The following NNMT variants were observed in gnomAD, a reference collection of about 807,000 sequenced individuals.
NNMT encodes nicotinamide N-methyltransferase.
In NNMT, 10 loss-of-function variants were observed where a neutral mutation model predicts 11.7. The observed-to-expected ratio is 0.85, with a 90% CI of 0.53 to 1.45. The LOEUF is 1.45. Ranked by LOEUF, NNMT falls within the 40% of genes most tolerant of loss-of-function variation. The pLI is 0.00. For synonymous variants in NNMT, 143 were observed against 133.8 expected (o/e 1.07, Z -0.48); for missense variants, 381 against 319.4 (o/e 1.19, Z -1.47).
intron 2 of NNMT, among the ~76,000 whole-genome samples, chr11:114,271,693 G>A (rs1490448588): frequency 6.6e-6 from 1 of 152,144 alleles, no homozygotes; most frequent in East Asian, 1.9e-4. Context: ...TGAATTACCA[G>A]CATCCACTCA....
chr11:114,309,840 T>C (rs983920575), intron 2 of NNMT, among the ~76,000 whole-genome samples: 2 of 152,236 alleles, frequency 1.3e-5, no homozygotes, highest in African/African-American at 4.8e-5. Context: ...TCTGTAGCTT[T>C]GCCTTTTCTG....
At chr11:114,290,392 C>T (rs949322265) in intron 2 of NNMT, among the ~76,000 whole-genome samples, 2 of 152,114 alleles carry the variant, frequency 1.3e-5, no homozygotes, top group East Asian at 3.9e-4. Context: ...TCTAGTTCTT[C>T]TGCTCTACTA....
At chr11:114,263,099 T>G (rs906609703) in intron 2 of NNMT, among the ~76,000 whole-genome samples, 104 of 152,292 alleles carry the variant, frequency 6.8e-4, no homozygotes, top group African/African-American at 2.5e-3. Flanking sequence ...ATCCCAAGCA[T>G]GGGTACTTGA....
At chr11:114,264,795 A>G (rs1290048669) in intron 2 of NNMT, among the ~76,000 whole-genome samples, 6 of 152,216 alleles carry the variant, frequency 3.9e-5, no homozygotes, top group African/African-American at 1.2e-4. Flanking sequence ...AAACATCTAC[A>G]TTTACCTATT....
In NNMT at chr11:114,297,965, G is replaced by T; in HGVS notation, c.169G>T (p.Asp57Tyr). The change falls in exon 2 of 3, where the codon GAC (aspartate) becomes TAC (tyrosine). Residue 57 changes from aspartate to tyrosine, a missense_variant. Physicochemically the swap from Asp to Tyr is radical, Grantham distance 160. Coordinates refer to ENST00000299964, the MANE Select transcript of NNMT (RefSeq NM_006169.3). ...KIFCLDGVKG[D>Y]LLIDIGSGPT... ...CACTAATCCAGACGGTGTGAAGGGAGACCTGCTGATTGACATCGGCTCTGG... is the reference window on the plus strand; with the variant it reads ...CACTAATCCAGACGGTGTGAAGGGATACCTGCTGATTGACATCGGCTCTGG... 6.2e-7 allele frequency: 1 copy of T among 1,612,814 alleles called. No homozygotes were observed. The highest frequency in any genetic ancestry group is 8.5e-7 in the Non-Finnish European group (1 of 1,179,996).
chr11:114,312,145 C>T lies in NNMT; in HGVS notation c.463C>T (p.Pro155Ser), dbSNP rs367956940. 2 of 1,613,994 alleles carry T rather than the reference C, an allele frequency of 1.2e-6. No homozygotes were observed. Among genetic ancestry groups the T allele is most frequent in the Admixed American group, 1.7e-5 (1 of 60,024 alleles). Residue 155 changes from proline to serine, a missense_variant, in exon 3 of 3, where the codon CCC becomes TCC. Coordinates refer to ENST00000299964, the MANE Select transcript of NNMT (RefSeq NM_006169.3). ...QSQPLGAVPL[P>S]PADCVLSTLC... ...CCAGCCACTGGGGGCCGTCCCCTTA[C>T]CCCCGGCTGACTGCGTGCTCAGCAC...
intron 2 of NNMT, among the ~76,000 whole-genome samples, chr11:114,265,709 A>G (rs1226997737): frequency 6.6e-6 from 1 of 152,190 alleles, no homozygotes; most frequent in East Asian, 1.9e-4. Flanking sequence ...GGCCAGGTTC[A>G]TGGACTTTTG....
At chr11:114,277,798 G>A (rs896212785) in intron 2 of NNMT, among the ~76,000 whole-genome samples, 3 of 152,128 alleles carry the variant, frequency 2.0e-5, no homozygotes, top group African/African-American at 7.2e-5. Flanking sequence ...GTAAGTGATC[G>A]ATTCATTCAA....
intron 2 of NNMT, chr11:114,262,980 G>A (rs2135240752): frequency 6.6e-6 from 1 of 152,302 alleles, no homozygotes; most frequent in East Asian, 1.9e-4. Context: ...GGGAAGGAGG[G>A]AGTCACAAAT....
At chr11:114,306,718 T>C (rs1021162807) in intron 2 of NNMT, among the ~76,000 whole-genome samples, 1 of 152,308 alleles carries the variant, frequency 6.6e-6, no homozygotes, top group Non-Finnish European at 1.5e-5. Context: ...ATTTCTGTTT[T>C]GGTACCAGTA....
At chr11:114,265,435 TAG>T (rs897233161) in intron 2 of NNMT, among the ~76,000 whole-genome samples, 2 of 152,196 alleles carry the variant, frequency 1.3e-5, no homozygotes, top group African/African-American at 4.8e-5. Flanking sequence ...CTCTGGATAT[TAG>T]ACAGTCTCTG....
intron 2 of NNMT, among the ~76,000 whole-genome samples, chr11:114,305,219 C>A (rs1945478130): frequency 6.6e-6 from 1 of 152,226 alleles, no homozygotes; most frequent in Non-Finnish European, 1.5e-5. Context: ...TGTGCCAGGG[C>A]ACACACACAG....
At chr11:114,260,098 G>A (rs1198457359) in intron 1 of NNMT, among the ~76,000 whole-genome samples, 1 of 152,128 alleles carries the variant, frequency 6.6e-6, no homozygotes, top group Non-Finnish European at 1.5e-5. Context: ...CAAGCAGAGG[G>A]GTCTGCTATT....
At chr11:114,293,215 C>G (rs554962429), upstream of NNMT, among the ~76,000 whole-genome samples, 6 of 152,294 alleles carry the variant, frequency 3.9e-5, no homozygotes, top group African/African-American at 1.4e-4. Context: ...CACCCTGCTT[C>G]CATTCTACAT....
At chr11:114,280,311 G>A (rs923258076) in intron 2 of NNMT, among the ~76,000 whole-genome samples, 3 of 152,110 alleles carry the variant, frequency 2.0e-5, no homozygotes, top group Non-Finnish European at 4.4e-5. Flanking sequence ...AAGTGCCTGG[G>A]ATAGACAGAC....
chr11:114,298,466 T>A (rs1289966959), intron 2 of NNMT: 1 of 334,126 alleles, frequency 3.0e-6, no homozygotes, highest in Non-Finnish European at 5.7e-6. Flanking sequence ...TGCAGTCAAG[T>A]ACCTTGGGAC....
At chr11:114,290,087 G>A (rs1945324677) in intron 2 of NNMT, among the ~76,000 whole-genome samples, 1 of 152,076 alleles carries the variant, frequency 6.6e-6, no homozygotes, top group Non-Finnish European at 1.5e-5. Context: ...CCTCCCAAAA[G>A]ACCCCACCTC....
At chr11:114,263,658 CT>C in intron 2 of NNMT, among the ~76,000 whole-genome samples, 1 of 152,356 alleles carries the variant, frequency 6.6e-6, no homozygotes, top group African/African-American at 2.4e-5. Flanking sequence ...GCTCCCTCCC[CT>C]GTATGCCGTT....
rs770749504 is a variant in NNMT at position 114,296,515 on chromosome 11, G to C, written c.-42G>C. ...GTCACTCCCTGGCTTCTGGAGGAAAGAGAAGGAGGGCAGTGCTCCAGTGGT... is the reference window on the plus strand; with the variant it reads ...GTCACTCCCTGGCTTCTGGAGGAAACAGAAGGAGGGCAGTGCTCCAGTGGT... On this transcript the variant is annotated 5_prime_UTR_variant, in exon 1 of 3. Transcript: ENST00000299964. 1 of 1,601,146 alleles carries C rather than the reference G, an allele frequency of 6.2e-7. No individual in the cohort carries two copies. The highest frequency in any genetic ancestry group is 8.5e-7 in the Non-Finnish European group (1 of 1,173,548).
Sources: allele counts gnomAD v4.1 joint callset (sites outside exome capture counted in the v4.1 genomes callset), GRCh38; gene constraint gnomAD v4.1.1; transcripts MANE v1.5; gene names NCBI Gene and HGNC (gene_info 2026-07-23, HGNC 2026-07-21).